The following TBC1D5 variants were observed in gnomAD, a reference collection of about 807,000 sequenced individuals.
The protein encoded by TBC1D5 is TBC1 domain family, member 5.
TBC1D5 carries 75 observed loss-of-function variants against 100.3 expected under a neutral mutation model. The ratio of observed to expected loss-of-function variants is 0.75; its 90% CI spans 0.62 to 0.91. The LOEUF is 0.91. Among genes scored for constraint, TBC1D5 ranks in the 40% least tolerant of loss-of-function variants. The pLI is 0.00. For missense variants in TBC1D5, 910 were observed against 942.4 expected, an observed-to-expected ratio of 0.97 and a Z score of 0.45; for synonymous variants, 323 against 325.6, an observed-to-expected ratio of 0.99 and a Z score of 0.09.
At chr3:17,206,774 G>A (rs1325197062) in intron 18 of TBC1D5, among the ~76,000 whole-genome samples, 1 of 152,078 alleles carries the variant, frequency 6.6e-6, no homozygotes, top group Non-Finnish European at 1.5e-5. Context: ...CTGAACCATG[G>A]ATACTTTCAG....
chr3:17,470,196 T>C (rs1253430041), intron 3 of TBC1D5, among the ~76,000 whole-genome samples: 1 of 152,240 alleles, frequency 6.6e-6, no homozygotes, highest in African/African-American at 2.4e-5. Context: ...TGACTATTTT[T>C]AGGCTGTCCT....
At chr3:17,647,408 G>C (rs1290554818) in intron 1 of TBC1D5, among the ~76,000 whole-genome samples, 1 of 152,156 alleles carries the variant, frequency 6.6e-6, no homozygotes, top group African/African-American at 2.4e-5. Flanking sequence ...AAGCTACAGG[G>C]AATAAGGGAA....
chr3:17,681,959 G>GAAT lies in TBC1D5; in HGVS notation c.-101+57383_-101+57384insATT, dbSNP rs1274088461. On this transcript the variant is annotated intron_variant, in intron 1 of 21. Transcript: ENST00000253692. ...TACCGTGAACTGCGCATGCAAGGGAGCTAGGTTGCCTGCACCTTATGAGAA... is the reference window on the plus strand; with the variant it reads ...TACCGTGAACTGCGCATGCAAGGGAGAATCTAGGTTGCCTGCACCTTATGAGAA... 2.6e-5 allele frequency among the ~76,000 whole-genome samples: 4 copies of GAAT among 151,550 alleles called. 1 individual carries two copies. The highest frequency in any genetic ancestry group is 9.8e-5 in the African/African-American group (4 of 40,832).
intron 2 of TBC1D5, among the ~76,000 whole-genome samples, chr3:17,521,722 G>T (rs1195732726): frequency 6.6e-6 from 1 of 152,018 alleles, no homozygotes; most frequent in Admixed American, 6.6e-5. Context: ...AAAATATTAT[G>T]TTAACTCTTT....
chr3:17,697,084 AG>A (rs1247783649), intron 1 of TBC1D5, among the ~76,000 whole-genome samples: 3 of 152,264 alleles, frequency 2.0e-5, no homozygotes, highest in Non-Finnish European at 4.4e-5. Flanking sequence ...TCAATAAACT[AG>A]GTATTGATGG....
At chr3:17,294,642 C>G (rs765339019) in intron 14 of TBC1D5, among the ~76,000 whole-genome samples, 1 of 152,178 alleles carries the variant, frequency 6.6e-6, no homozygotes, top group Non-Finnish European at 1.5e-5. Context: ...TTCTATCCAT[C>G]CATCCAGTCA....
Position 17,330,542 on chromosome 3 carries a change from G to T in TBC1D5, c.996-22408C>A, listed in dbSNP as rs142210243. Among the ~76,000 whole-genome samples the T allele has an allele frequency of 2.4e-3, 365 of 151,894 alleles. 2 individuals carry two copies. Among genetic ancestry groups the T allele is most frequent in the Middle Eastern group, 3.4e-3 (1 of 294 alleles). ...ACCATCATTCTCAACACGTGGCCAC[G>T]GTTCTTACTCAGCAGTCTTCAGACA... On this transcript the variant is annotated intron_variant, in intron 13 of 21. Transcript: ENST00000253692.
chr3:17,593,374 C>A (rs1016653177), intron 2 of TBC1D5, among the ~76,000 whole-genome samples: 121 of 152,312 alleles, frequency 7.9e-4, no homozygotes, highest in African/African-American at 2.8e-3. Context: ...TGGACTTCCA[C>A]TCACCAAGGC....
At chr3:17,301,285 G>C (rs1446124658) in intron 14 of TBC1D5, among the ~76,000 whole-genome samples, 2 of 152,006 alleles carry the variant, frequency 1.3e-5, no homozygotes. Flanking sequence ...AAAATAAAAT[G>C]AACAAAAAAT....
chr3:17,569,556 A>G (rs1341719009), intron 2 of TBC1D5, among the ~76,000 whole-genome samples: 3 of 151,674 alleles, frequency 2.0e-5, no homozygotes, highest in Non-Finnish European at 3.0e-5. Flanking sequence ...ATAAATATAA[A>G]AAGTTAAGTA....
intron 3 of TBC1D5, among the ~76,000 whole-genome samples, chr3:17,495,130 CT>C (rs1405926884): frequency 6.6e-6 from 1 of 152,208 alleles, no homozygotes. Context: ...CTGGATACCT[CT>C]GTTGAAGATT....
intron 2 of TBC1D5, among the ~76,000 whole-genome samples, chr3:17,611,432 T>C (rs2061661680): frequency 6.6e-6 from 1 of 152,014 alleles, no homozygotes; most frequent in Non-Finnish European, 1.5e-5. Flanking sequence ...AACATGCCGA[T>C]GTTAGAAGTC....
At chr3:17,517,540 T>C (rs970667692) in intron 2 of TBC1D5, among the ~76,000 whole-genome samples, 2 of 152,208 alleles carry the variant, frequency 1.3e-5, no homozygotes, top group African/African-American at 4.8e-5. Context: ...ATGATTATGA[T>C]TAATCAAATT....
rs544063798 is a variant in TBC1D5 at position 17,399,852 on chromosome 3, C to T, written c.509+3329G>A. The stretch of plus-strand genomic sequence containing the variant: ...GAAACTAACCTTGCCCTAGCTACTC[C>T]CTCTGTCTACATGTTCTTGCCCTAG... On this transcript the variant is annotated intron_variant, in intron 8 of 21. Transcript: ENST00000253692. Among the ~76,000 whole-genome samples, 12 of 152,142 alleles carry T rather than the reference C, an allele frequency of 7.9e-5. No individual in the cohort carries two copies. The South Asian group carries it at 2.5e-3, about 32-fold the overall frequency.
intron 4 of TBC1D5, among the ~76,000 whole-genome samples, chr3:17,417,140 C>T (rs1030292008): frequency 6.6e-6 from 1 of 152,012 alleles, no homozygotes; most frequent in Non-Finnish European, 1.5e-5. Flanking sequence ...GAAAGTTGAG[C>T]TATGCTGTTC....
intron 15 of TBC1D5, among the ~76,000 whole-genome samples, chr3:17,265,157 T>C (rs2078721125): frequency 6.6e-6 from 1 of 152,172 alleles, no homozygotes; most frequent in Non-Finnish European, 1.5e-5. Flanking sequence ...CATATGAGAA[T>C]ATAATAATCA....
At chr3:17,666,340 T>TTCC (rs2067251427) in intron 1 of TBC1D5, among the ~76,000 whole-genome samples, 1 of 152,176 alleles carries the variant, frequency 6.6e-6, no homozygotes, top group Non-Finnish European at 1.5e-5. Flanking sequence ...AAACTTCTGT[T>TTCC]TCCTACTGAC....
chr3:17,572,304 T>TAA (rs1018210266), intron 2 of TBC1D5, among the ~76,000 whole-genome samples: 14 of 142,794 alleles, frequency 9.8e-5, no homozygotes, highest in African/African-American at 3.1e-4. Flanking sequence ...CATTCTCAGT[T>TAA]AAAAAAAAAA....
At chr3:17,398,551 T>C (rs937836239) in intron 8 of TBC1D5, among the ~76,000 whole-genome samples, 1 of 152,156 alleles carries the variant, frequency 6.6e-6, no homozygotes, top group African/African-American at 2.4e-5. Flanking sequence ...ACAACACTGA[T>C]CATCAGTGAT....
Sources: gnomAD v4.1 joint callset for allele counts (sites outside exome capture counted in the v4.1 genomes callset) on GRCh38, gnomAD v4.1.1 for gene constraint, MANE v1.5 for transcripts, NCBI Gene and HGNC (gene_info 2026-07-23, HGNC 2026-07-21) for gene names.